Variants in ADGRB3 observed in about 807,000 individuals in gnomAD.
The protein encoded by ADGRB3 is brain-specific angiogenesis inhibitor 3.
Under a neutral mutation model 193.4 loss-of-function variants are expected in ADGRB3, and 37 were observed. The ratio of observed to expected loss-of-function variants is 0.19; its 90% CI spans 0.15 to 0.25. ADGRB3 has a LOEUF of 0.25. Among genes scored for constraint, ADGRB3 ranks in the 10% least tolerant of loss-of-function variants. ADGRB3 has a pLI of 1.00. For missense variants in ADGRB3, 1,637 were observed against 1,852.9 expected (o/e 0.88, Z 2.14); for synonymous variants, 690 against 644.2 (o/e 1.07, Z -1.08).
intron 3 of ADGRB3, among the ~76,000 whole-genome samples, chr6:68,754,751 C>A (rs1366417252): frequency 7.1e-6 from 1 of 140,874 alleles, no homozygotes; most frequent in East Asian, 2.1e-4. Context: ...AAAAAAAAAA[C>A]AGCATTAGAA....
intron 3 of ADGRB3, among the ~76,000 whole-genome samples, chr6:68,662,470 G>A (rs1182426198): frequency 1.3e-5 from 2 of 151,520 alleles, no homozygotes; most frequent in South Asian, 4.1e-4. Flanking sequence ...TGAGGCTTAA[G>A]TAAGGAATGT....
chr6:68,685,632 A>G (rs920127427), intron 3 of ADGRB3, among the ~76,000 whole-genome samples: 1 of 151,972 alleles, frequency 6.6e-6, no homozygotes, highest in East Asian at 1.9e-4. Context: ...ATAAAAATAT[A>G]CTTTGGGAGG....
At chr6:69,358,790 T>G (rs1769384599) in intron 28 of ADGRB3, among the ~76,000 whole-genome samples, 1 of 151,828 alleles carries the variant, frequency 6.6e-6, no homozygotes, top group Non-Finnish European at 1.5e-5. Flanking sequence ...CGTGTGTAGG[T>G]GGTATGATTT....
intron 20 of ADGRB3, among the ~76,000 whole-genome samples, chr6:69,291,049 T>C (rs1245953742): frequency 2.0e-5 from 3 of 152,274 alleles, no homozygotes; most frequent in South Asian, 4.1e-4. Context: ...CAGTGAGGAA[T>C]AAAATATTTA....
At chr6:68,911,039 C>A (rs558307806) in intron 3 of ADGRB3, among the ~76,000 whole-genome samples, 5 of 151,986 alleles carry the variant, frequency 3.3e-5, no homozygotes, top group African/African-American at 9.7e-5. Context: ...TACCCATGAG[C>A]ATGGAATGTT....
chr6:69,294,568 C>T (rs988550896), intron 20 of ADGRB3, among the ~76,000 whole-genome samples: 3 of 152,242 alleles, frequency 2.0e-5, no homozygotes, highest in Middle Eastern at 3.4e-3. Context: ...ACACTTCCCA[C>T]ATTGAATCTT....
intron 17 of ADGRB3, among the ~76,000 whole-genome samples, chr6:69,101,529 C>CTT: frequency 6.7e-6 from 1 of 148,376 alleles, no homozygotes; most frequent in Non-Finnish European, 1.5e-5. Context: ...AACTGACAAA[C>CTT]CCTGGAAATT....
intron 10 of ADGRB3, among the ~76,000 whole-genome samples, chr6:68,991,512 A>G (rs1380087773): frequency 1.3e-5 from 2 of 151,928 alleles, no homozygotes; most frequent in Admixed American, 1.3e-4. Flanking sequence ...AGGCGACAAA[A>G]AGCATGTGAA....
At chr6:68,976,949 T>C (rs1358540686) in intron 10 of ADGRB3, among the ~76,000 whole-genome samples, 3 of 150,172 alleles carry the variant, frequency 2.0e-5, no homozygotes, top group African/African-American at 7.3e-5. Flanking sequence ...TAGAAAAATA[T>C]ATATTTTTTT....
At chr6:68,823,544 A>T (rs1472725534) in intron 3 of ADGRB3, among the ~76,000 whole-genome samples, 2 of 152,076 alleles carry the variant, frequency 1.3e-5, no homozygotes, top group African/African-American at 4.8e-5. Flanking sequence ...AAACATGATA[A>T]ATACGAATGA....
chr6:68,989,247 G>A lies in ADGRB3; in HGVS notation c.1735-4521G>A, dbSNP rs138593785. On this transcript the variant is annotated intron_variant, in intron 10 of 31. Transcript: ENST00000370598. ...AAACTATAATATATTGTTTAAAATC[G>A]TTAAGACATGAAAGAACAGAAATAA... Among the ~76,000 whole-genome samples the A allele has an allele frequency of 4.4e-4, 67 of 152,144 alleles. 1 individual carries two copies. Among genetic ancestry groups the A allele is most frequent in the African/African-American group, 1.5e-3 (62 of 41,520 alleles).
chr6:69,112,169 G>A (rs1773384571), intron 17 of ADGRB3, among the ~76,000 whole-genome samples: 1 of 152,090 alleles, frequency 6.6e-6, no homozygotes, highest in African/African-American at 2.4e-5. Context: ...TGGTCCTTGT[G>A]GTTACGTGAG....
rs549789212 is a variant in ADGRB3, at chr6:68,987,821, C to T, written c.1735-5947C>T. Among the ~76,000 whole-genome samples, 31 of 152,074 alleles carry T rather than the reference C, an allele frequency of 2.0e-4. No homozygotes were observed. The South Asian group carries it at 5.2e-3, about 25-fold the overall frequency. On this transcript the variant is annotated intron_variant, in intron 10 of 31. Coordinates refer to ENST00000370598, the MANE Select transcript of ADGRB3 (RefSeq NM_001704.3). ...TATAAAACATGTAGTCTCATGCTTG[C>T]GATATAATCAGAATGATAAATGATT...
intron 3 of ADGRB3, among the ~76,000 whole-genome samples, chr6:68,764,253 G>A (rs1281396433): frequency 6.6e-6 from 1 of 152,076 alleles, no homozygotes; most frequent in Non-Finnish European, 1.5e-5. Flanking sequence ...CAGAGTTTTG[G>A]AGAATATGAA....
At chr6:69,104,104 T>C (rs985125897) in intron 17 of ADGRB3, among the ~76,000 whole-genome samples, 1 of 151,964 alleles carries the variant, frequency 6.6e-6, no homozygotes, top group Non-Finnish European at 1.5e-5. Flanking sequence ...GTTACATATG[T>C]ATACATGTGC....
chr6:68,702,249 A>G (rs1011803258), intron 3 of ADGRB3, among the ~76,000 whole-genome samples: 1 of 151,940 alleles, frequency 6.6e-6, no homozygotes, highest in Non-Finnish European at 1.5e-5. Flanking sequence ...GGGAAGTACT[A>G]CACTTTTTTA....
chr6:69,232,409 T>C (rs1766163654), intron 17 of ADGRB3: 2 of 1,450,526 alleles, frequency 1.4e-6, no homozygotes, highest in South Asian at 1.5e-5. Context: ...ATAAACCATA[T>C]GCTTTAGCAT....
chr6:69,065,205 G>A (rs908145910), intron 16 of ADGRB3, among the ~76,000 whole-genome samples: 10 of 152,270 alleles, frequency 6.6e-5, no homozygotes, highest in African/African-American at 2.2e-4. Flanking sequence ...ATGTATACAT[G>A]TAGAAATCTG....
chr6:69,140,162 C>T (rs999955566), intron 17 of ADGRB3, among the ~76,000 whole-genome samples: 1 of 152,132 alleles, frequency 6.6e-6, no homozygotes, highest in Non-Finnish European at 1.5e-5. Context: ...TAGCAATATA[C>T]TAATTGACAA....
Sources: allele counts gnomAD v4.1 joint callset (sites outside exome capture counted in the v4.1 genomes callset), GRCh38; gene constraint gnomAD v4.1.1; transcripts MANE v1.5; gene names NCBI Gene and HGNC (gene_info 2026-07-23, HGNC 2026-07-21).